PDE1C: variants seen among roughly 807,000 people sequenced by gnomAD.
PDE1C encodes the protein phosphodiesterase 1C, also known as dual specificity calcium/calmodulin-dependent 3',5'-cyclic nucleotide phosphodiesterase 1C.
PDE1C carries 62 observed loss-of-function variants against 93.1 expected under a neutral mutation model. The observed-to-expected ratio is 0.67, with a 90% confidence interval of 0.54 to 0.82. The LOEUF (loss-of-function observed/expected upper bound fraction) is 0.82, where lower values mean the gene tolerates loss of function less well. Among genes scored for constraint, PDE1C ranks in the 40% least tolerant of loss-of-function variants. PDE1C has a pLI of 0.00. For missense variants in PDE1C, 742 were observed against 884.6 expected (o/e 0.84, Z 2.04); for synonymous variants, 325 against 310.1 (o/e 1.05, Z -0.50).
chr7:31,775,605 A>T, intron 17 of PDE1C, 59 bp downstream of exon 17: 2 of 1,420,334 alleles, frequency 1.4e-6, no homozygotes, highest in South Asian at 2.3e-5. Context: ...ATTCCCGAGA[A>T]ACCAGGCCTT....
At position 32,160,822 on chromosome 7, in the gene PDE1C, A is replaced by G. The variant is rs532699717; in HGVS notation, c.308+8963T>C. On this transcript the variant is annotated intron_variant, in intron 3 of 18. Coordinates refer to the PDE1C transcript ENST00000396193. ...AATACTCTGTTGAAAGAAAGAAACTAAAAACAGGAAAGAAAAGAGAGAGAA... is the reference window on the plus strand; with the variant it reads ...AATACTCTGTTGAAAGAAAGAAACTGAAAACAGGAAAGAAAAGAGAGAGAA... 5.3e-5 allele frequency among the ~76,000 whole-genome samples: 8 copies of G among 152,226 alleles called. No individual in the cohort carries two copies. In the East Asian group the frequency reaches 1.5e-3, roughly 29 times the overall value.
At chr7:32,361,288 G>A (rs929985001) in intron 1 of PDE1C, among the ~76,000 whole-genome samples, 2 of 152,160 alleles carry the variant, frequency 1.3e-5, no homozygotes, top group Non-Finnish European at 2.9e-5. Flanking sequence ...GCCCTAAGAT[G>A]TCTAATCCAT....
At chr7:32,289,005 C>T (rs1812175385) in intron 1 of PDE1C, among the ~76,000 whole-genome samples, 1 of 152,194 alleles carries the variant, frequency 6.6e-6, no homozygotes, top group African/African-American at 2.4e-5. Context: ...TTTATAAGCA[C>T]CTGCAATTGT....
intron 3 of PDE1C, among the ~76,000 whole-genome samples, chr7:32,082,032 C>T (rs945640290): frequency 5.9e-5 from 9 of 152,232 alleles, no homozygotes; most frequent in South Asian, 2.1e-4. Context: ...GTGCAGCGCA[C>T]CATGCGCGAG....
chr7:32,294,981 TC>T (rs1187286380), intron 1 of PDE1C, among the ~76,000 whole-genome samples: 20 of 152,238 alleles, frequency 1.3e-4, no homozygotes, highest in Admixed American at 6.5e-5. Context: ...TAGTCTTGTT[TC>T]CAAGACCTTT....
At chr7:31,780,588 AAAC>A (rs1783329308) in intron 16 of PDE1C, among the ~76,000 whole-genome samples, 1 of 152,252 alleles carries the variant, frequency 6.6e-6, no homozygotes, top group South Asian at 2.1e-4. Context: ...GCAAATGAAC[AAAC>A]AACTATGTCA....
chr7:32,120,601 C>A (rs1799242972), intron 3 of PDE1C, among the ~76,000 whole-genome samples: 1 of 152,044 alleles, frequency 6.6e-6, no homozygotes, highest in African/African-American at 2.4e-5. Context: ...ATGAATAGGG[C>A]CTGAAATGAA....
intron 11 of PDE1C, among the ~76,000 whole-genome samples, chr7:31,832,404 T>C (rs562622539): frequency 2.6e-5 from 4 of 152,344 alleles, no homozygotes; most frequent in South Asian, 2.1e-4. Context: ...TTGTAAATTA[T>C]GGTTATAAAA....
At chr7:31,767,885 T>A (rs546740537) in intron 17 of PDE1C, among the ~76,000 whole-genome samples, 1 of 152,172 alleles carries the variant, frequency 6.6e-6, no homozygotes, top group Non-Finnish European at 1.5e-5. Flanking sequence ...GTTAATCCCA[T>A]TTGTGAGGGC....
intron 3 of PDE1C, among the ~76,000 whole-genome samples, chr7:32,084,646 A>C (rs1229454190): frequency 6.6e-6 from 1 of 151,354 alleles, no homozygotes; most frequent in African/African-American, 2.4e-5. Flanking sequence ...AATTATAACA[A>C]ACTGTCTCTC....
At chr7:31,625,909 T>C in the PDE1C span, among the ~76,000 whole-genome samples, 1 of 152,188 alleles carries the variant, frequency 6.6e-6, no homozygotes, top group African/African-American at 2.4e-5. Context: ...GTATTTCAGA[T>C]ACAGGTACAC....
In PDE1C at chr7:31,902,111, T is replaced by C. The variant is rs367623422; in HGVS notation, c.129-21251A>G. ...AAAGCTTGAAAGCAGAAAAGACCAATAGAGCAAACAAACTAATAACAACTT... is the reference window on the plus strand; with the variant it reads ...AAAGCTTGAAAGCAGAAAAGACCAACAGAGCAAACAAACTAATAACAACTT... On this transcript the variant is annotated intron_variant, in intron 2 of 17. Transcript: ENST00000396191. Among the ~76,000 whole-genome samples, 122 of 151,642 alleles carry C rather than the reference T, an allele frequency of 8.0e-4. No homozygotes were observed. The South Asian group carries it at 9.5e-3, about 12-fold the overall frequency.
intron 2 of PDE1C, among the ~76,000 whole-genome samples, chr7:31,915,020 G>A (rs1274690459): frequency 3.9e-5 from 6 of 152,130 alleles, no homozygotes; most frequent in South Asian, 2.1e-4. Flanking sequence ...TGAACACACC[G>A]CCTGATGTAA....
At chr7:31,787,674 T>C (rs189837629) in intron 16 of PDE1C, 1 of 152,312 alleles carries the variant, frequency 6.6e-6, no homozygotes, top group East Asian at 1.9e-4. Flanking sequence ...TTGCTCTGTG[T>C]GTGTAAACCA....
the PDE1C span, among the ~76,000 whole-genome samples, chr7:31,718,206 C>T: frequency 6.6e-6 from 1 of 152,072 alleles, no homozygotes. Context: ...CACAGAACAT[C>T]CAGCTCCACA....
intron 3 of PDE1C, among the ~76,000 whole-genome samples, chr7:32,154,967 G>A (rs1801478050): frequency 6.6e-6 from 1 of 152,250 alleles, no homozygotes; most frequent in African/African-American, 2.4e-5. Flanking sequence ...CAGGCAGGGA[G>A]TAAGGCCAAG....
chr7:31,658,213 C>A, the PDE1C span: 2 of 1,424,210 alleles, frequency 1.4e-6, no homozygotes, highest in Non-Finnish European at 9.2e-7. Context: ...CACAGAAGAA[C>A]ACTTCCCAGA....
At chr7:32,060,454 T>C (rs1563266360) in intron 1 of PDE1C, among the ~76,000 whole-genome samples, 1 of 152,202 alleles carries the variant, frequency 6.6e-6, no homozygotes, top group East Asian at 1.9e-4. Flanking sequence ...TCCTATCTTG[T>C]AGTAGCATCA....
chr7:31,701,335 G>C, the PDE1C span, among the ~76,000 whole-genome samples: 1 of 152,198 alleles, frequency 6.6e-6, no homozygotes, highest in Admixed American at 6.5e-5. Flanking sequence ...GAAATAGCAA[G>C]AGAATTAGAA....
Sources: gnomAD v4.1 joint callset for allele counts (sites outside exome capture counted in the v4.1 genomes callset) on GRCh38, gnomAD v4.1.1 for gene constraint, MANE v1.5 for transcripts, NCBI Gene and HGNC (gene_info 2026-07-23, HGNC 2026-07-21) for gene names.